SNRPD1: variants seen among roughly 807,000 people sequenced by gnomAD.
The protein encoded by SNRPD1 is small nuclear ribonucleoprotein Sm D1.
Under a neutral mutation model 14.4 loss-of-function variants are expected in SNRPD1, and 1 was observed. The ratio of observed to expected loss-of-function variants is 0.07; its 90% CI spans 0.02 to 0.33. The LOEUF is 0.33. SNRPD1 is among the 10% of genes least tolerant of loss of function. The pLI is 1.00. For synonymous variants in SNRPD1, 42 were observed against 50.3 expected, an observed-to-expected ratio of 0.83 and a Z score of 0.70; for missense variants, 52 against 146.4, an observed-to-expected ratio of 0.36 and a Z score of 3.33.
intron 3 of SNRPD1, among the ~76,000 whole-genome samples, chr18:21,626,759 C>G (rs1247297833): frequency 6.7e-6 from 1 of 150,224 alleles, no homozygotes; most frequent in Non-Finnish European, 1.5e-5. Context: ...GCACTCCAGC[C>G]TGGACAACAG....
intron 1 of SNRPD1, among the ~76,000 whole-genome samples, chr18:21,612,995 G>T (rs1369295906): frequency 6.6e-6 from 1 of 152,096 alleles, no homozygotes; most frequent in Admixed American, 6.6e-5. Context: ...GAGCCACCGT[G>T]CCCGGCCGAT....
chr18:21,630,137 T>C lies in SNRPD1; in HGVS notation c.*999T>C, dbSNP rs538420273. ...TTAATGGTCACTAGATTATCAGTTATGAGCAGTGTTAAAATCTCCTATTAA... is the reference window on the plus strand; with the variant it reads ...TTAATGGTCACTAGATTATCAGTTACGAGCAGTGTTAAAATCTCCTATTAA... On this transcript the variant is annotated 3_prime_UTR_variant, in exon 4 of 4. Transcript: ENST00000300413. The C allele has an allele frequency of 5.9e-5, 9 of 152,338 alleles. No individual in the cohort carries two copies. Among genetic ancestry groups the C allele is most frequent in the African/African-American group, 1.9e-4 (8 of 41,592 alleles). The allele number at this position is 152,338 out of a possible 1,614,324, so 9.4% of individuals were successfully genotyped here.
At chr18:21,618,525 C>A (rs1209964777) in intron 1 of SNRPD1, among the ~76,000 whole-genome samples, 1 of 151,504 alleles carries the variant, frequency 6.6e-6, no homozygotes, top group Non-Finnish European at 1.5e-5. Flanking sequence ...TTCTTACTAA[C>A]TGGGATAGTA....
intron 3 of SNRPD1, among the ~76,000 whole-genome samples, chr18:21,626,718 A>G (rs1295066366): frequency 1.3e-5 from 2 of 150,944 alleles, no homozygotes; most frequent in Non-Finnish European, 3.0e-5. Context: ...CCTGGGAGGC[A>G]GAGGTTGTAG....
intron 1 of SNRPD1, among the ~76,000 whole-genome samples, chr18:21,614,297 C>G (rs954301293): frequency 2.0e-5 from 3 of 152,088 alleles, no homozygotes; most frequent in African/African-American, 7.2e-5. Flanking sequence ...TTTGAAATTT[C>G]TCCATACCTG....
At chr18:21,622,441 A>G (rs564732349) in intron 1 of SNRPD1, among the ~76,000 whole-genome samples, 3 of 151,620 alleles carry the variant, frequency 2.0e-5, no homozygotes, top group Admixed American at 2.0e-4. Flanking sequence ...CGCCTGGCCT[A>G]TTTCTTTTTC....
intron 2 of SNRPD1, among the ~76,000 whole-genome samples, chr18:21,623,088 G>A (rs1030193610): frequency 2.0e-5 from 3 of 151,126 alleles, no homozygotes; most frequent in African/African-American, 4.9e-5. Context: ...CACCATGCCC[G>A]GGTAAATTTT....
At chr18:21,626,215 T>C (rs1380364137) in intron 3 of SNRPD1, among the ~76,000 whole-genome samples, 1 of 151,470 alleles carries the variant, frequency 6.6e-6, no homozygotes, top group Non-Finnish European at 1.5e-5. Flanking sequence ...CAACATGGCA[T>C]GAACTTTGTC....
intron 1 of SNRPD1, 112 bp downstream of exon 1, chr18:21,612,555 C>T (rs2038926485): frequency 2.5e-6 from 2 of 798,060 alleles, no homozygotes; most frequent in Non-Finnish European, 3.8e-6. Context: ...TGTGCGCGGC[C>T]TGCTAACGGC....
At chr18:21,616,207 A>G (rs536228707) in intron 1 of SNRPD1, among the ~76,000 whole-genome samples, 6 of 151,842 alleles carry the variant, frequency 4.0e-5, no homozygotes, top group South Asian at 2.1e-4. Context: ...GGATGTTCTC[A>G]ATCTCCTGAC....
At chr18:21,616,929 G>A (rs1181140628) in intron 1 of SNRPD1, among the ~76,000 whole-genome samples, 29 of 146,722 alleles carry the variant, frequency 2.0e-4, no homozygotes, top group Middle Eastern at 8.7e-3. Context: ...CTTGTGATCT[G>A]CCTGCCTTGG....
chr18:21,613,944 A>G (rs772189064), intron 1 of SNRPD1, among the ~76,000 whole-genome samples: 62 of 151,660 alleles, frequency 4.1e-4, no homozygotes, highest in Middle Eastern at 3.4e-3. Context: ...TTTTATTTGA[A>G]CTATAACTTT....
At position 21,632,450 on chromosome 18, in the gene SNRPD1, C is replaced by T. The variant is rs2039091130; in HGVS notation, c.*3312C>T. 6.8e-6 allele frequency: 1 copy of T among 146,476 alleles called. No individual in the cohort carries two copies. Among genetic ancestry groups the T allele is most frequent in the African/African-American group, 2.6e-5 (1 of 38,292 alleles). 9.1% of individuals were successfully genotyped at this position (146,476 alleles called of 1,614,324 possible). The stretch of plus-strand genomic sequence containing the variant: ...CTTCAGCCTGAGTGACAGAGCGAGA[C>T]TGTTTCAAAAAAAAAAAAAAAATTT... On this transcript the variant is annotated 3_prime_UTR_variant, in exon 4 of 4. Coordinates refer to ENST00000300413, the MANE Select transcript of SNRPD1 (RefSeq NM_006938.4).
At chr18:21,612,468 G>A in intron 1 of SNRPD1, 25 bp downstream of exon 1, 2 of 1,498,850 alleles carry the variant, frequency 1.3e-6, no homozygotes, top group Non-Finnish European at 9.0e-7. Flanking sequence ...AAGCAGCTCT[G>A]GGGGCTGTGA....
rs1400319256 is a variant in SNRPD1, at chr18:21,630,169, A to T, written c.*1031A>T. Reference sequence around the variant, plus strand: ...TGTTAAAATCTCCTATTAATGTGTAATGTACCTGTCAGTGCCTCCTTTATT... The same window carrying T: ...TGTTAAAATCTCCTATTAATGTGTATTGTACCTGTCAGTGCCTCCTTTATT... On this transcript the variant is annotated 3_prime_UTR_variant, in exon 4 of 4. Transcript: ENST00000300413. 6.6e-6 allele frequency: 1 copy of T among 152,188 alleles called. No individual in the cohort carries two copies. Among genetic ancestry groups the T allele is most frequent in the Non-Finnish European group, 1.5e-5 (1 of 68,042 alleles). 9.4% of individuals were successfully genotyped at this position (152,188 alleles called of 1,614,324 possible). A position where few individuals can be genotyped will look rare whatever the true frequency, so the allele number is the denominator to read the frequency against.
intron 3 of SNRPD1, among the ~76,000 whole-genome samples, chr18:21,624,384 A>G (rs1350724376): frequency 6.7e-6 from 1 of 149,530 alleles, no homozygotes; most frequent in African/African-American, 2.5e-5. Flanking sequence ...CAAAAAAAAA[A>G]AAAACCAAAC....
rs376241350 is a variant in SNRPD1, at chr18:21,612,378, G to T, written c.-52G>T. The T allele has an allele frequency of 2.0e-6, 3 of 1,484,182 alleles. No homozygotes were observed. Among genetic ancestry groups the T allele is most frequent in the Admixed American group, 4.0e-5 (2 of 49,392 alleles). The allele number at this position is 1,484,182 out of a possible 1,614,324, so 91.9% of individuals were successfully genotyped here. On this transcript the variant is annotated 5_prime_UTR_variant, in exon 1 of 4. Coordinates refer to ENST00000300413, the MANE Select transcript of SNRPD1 (RefSeq NM_006938.4). ...TTCATACTGCAGTCGGTCAGTGTTC[G>T]GTTGAAGGATTCTGTGTGCTGTCGG...
rs1018778701 is a variant in SNRPD1, at chr18:21,630,938, A to G, written c.*1800A>G. ...ATACTAGATATATATTTTTTTAAGT[A>G]TCTTACCTCATCAAGTAAATTCAAA... On this transcript the variant is annotated 3_prime_UTR_variant, in exon 4 of 4. Coordinates refer to ENST00000300413, the MANE Select transcript of SNRPD1 (RefSeq NM_006938.4). 2 of 150,942 alleles carry G rather than the reference A, an allele frequency of 1.3e-5. No individual in the cohort carries two copies. The highest frequency in any genetic ancestry group is 2.4e-5 in the African/African-American group (1 of 41,166). 9.4% of individuals were successfully genotyped at this position (150,942 alleles called of 1,614,324 possible).
At chr18:21,613,575 G>T (rs2038935628) in intron 1 of SNRPD1, among the ~76,000 whole-genome samples, 1 of 152,118 alleles carries the variant, frequency 6.6e-6, no homozygotes, top group Non-Finnish European at 1.5e-5. Flanking sequence ...TCAGGGAGGA[G>T]GCCAGGCGCA....
Sources: allele counts gnomAD v4.1 joint callset (sites outside exome capture counted in the v4.1 genomes callset), GRCh38; gene constraint gnomAD v4.1.1; transcripts MANE v1.5; gene names NCBI Gene and HGNC (gene_info 2026-07-23, HGNC 2026-07-21).